UBAP1: variants seen among roughly 807,000 people sequenced by gnomAD.
UBAP1 encodes the protein ubiquitin associated protein 1, also known as ubiquitin-associated protein 1.
In UBAP1, 5 loss-of-function variants were observed where a neutral mutation model predicts 39.0. The observed-to-expected ratio is 0.13, with a 90% confidence interval of 0.07 to 0.27. The LOEUF is 0.27. UBAP1 is among the 10% of genes least tolerant of loss of function. The pLI is 1.00. For missense variants in UBAP1, 490 were observed against 608.1 expected (o/e 0.81, Z 2.04); for synonymous variants, 211 against 225.1 (o/e 0.94, Z 0.56).
At chr9:34,216,011 A>G (rs1316763230) in intron 1 of UBAP1, among the ~76,000 whole-genome samples, 1 of 152,068 alleles carries the variant, frequency 6.6e-6, no homozygotes, top group Non-Finnish European at 1.5e-5. Flanking sequence ...ATTTTACATT[A>G]TTTACTAATA....
intron 1 of UBAP1, among the ~76,000 whole-genome samples, chr9:34,213,323 CA>C (rs1343808780): frequency 6.6e-6 from 1 of 152,032 alleles, no homozygotes; most frequent in East Asian, 1.9e-4. Flanking sequence ...CCAGCCTGGC[CA>C]ACATGGTGAA....
intron 4 of UBAP1, among the ~76,000 whole-genome samples, chr9:34,244,122 C>T (rs972391135): frequency 1.3e-5 from 2 of 152,166 alleles, no homozygotes; most frequent in African/African-American, 4.8e-5. Context: ...GCTGGGATTA[C>T]AGGTGTGAGT....
In UBAP1 at chr9:34,223,579, G is replaced by A. The variant is rs1056056096; in HGVS notation, c.34+2631G>A. Among the ~76,000 whole-genome samples the A allele has an allele frequency of 5.3e-5, 8 of 152,028 alleles. 1 individual carries two copies. The highest frequency in any genetic ancestry group is 4.1e-4 in the South Asian group (2 of 4,824). On this transcript the variant is annotated intron_variant, in intron 2 of 6. Transcript: ENST00000297661. Reference sequence around the variant, plus strand: ...ACGCCATTCTCTGCCTTAGCCTCCCGAGTAGCTGGGACTACAGGTGCCTGC... The same window carrying A: ...ACGCCATTCTCTGCCTTAGCCTCCCAAGTAGCTGGGACTACAGGTGCCTGC...
chr9:34,182,681 T>TTCTCTCTCTCTCTCTCTC (rs1437312393), intron 1 of UBAP1, among the ~76,000 whole-genome samples: 10 of 115,590 alleles, frequency 8.7e-5, no homozygotes, highest in South Asian at 6.2e-4. Context: ...CTTTCTTTCT[T>TTCTCTCTCTCTCTCTCTC]TCTCTCTCTC....
Position 34,251,264 on chromosome 9 carries a change from C to T in UBAP1, c.1369-128C>T, listed in dbSNP as rs531863332. 94 of 1,036,110 alleles carry T rather than the reference C, an allele frequency of 9.1e-5. 1 individual carries two copies. The African/African-American group carries it at 1.0e-3, about 11-fold the overall frequency. The allele number at this position is 1,036,110 out of a possible 1,614,324, so 64.2% of individuals were successfully genotyped here. The stretch of plus-strand genomic sequence containing the variant: ...TGCTAGGGGACCTTATGGAGACTCA[C>T]GGGGCTCTGGGGGAAGGATGTAGAC... On this transcript the variant is annotated intron_variant, in intron 6 of 6. Transcript: ENST00000297661.
At chr9:34,237,981 A>T (rs1563918226) in intron 3 of UBAP1, among the ~76,000 whole-genome samples, 1 of 152,194 alleles carries the variant, frequency 6.6e-6, no homozygotes, top group Non-Finnish European at 1.5e-5. Flanking sequence ...CCCAAAAGGA[A>T]ACCCAGTGTC....
chr9:34,187,097 A>G (rs1250431705), intron 1 of UBAP1, among the ~76,000 whole-genome samples: 4 of 152,080 alleles, frequency 2.6e-5, no homozygotes, highest in African/African-American at 7.2e-5. Context: ...TAGTAGAGAC[A>G]GGGTTTCATC....
chr9:34,225,803 A>G (rs966749788), intron 2 of UBAP1, among the ~76,000 whole-genome samples: 6 of 151,640 alleles, frequency 4.0e-5, no homozygotes, highest in Admixed American at 4.0e-4. Context: ...AAAGAAAAGA[A>G]AAAAGAAATC....
intron 1 of UBAP1, among the ~76,000 whole-genome samples, chr9:34,184,926 CTTTTTTTTTTTTTTT>C (rs35634769): frequency 8.6e-5 from 9 of 105,116 alleles, no homozygotes; most frequent in South Asian, 7.9e-4. Context: ...CCAGCCAATC[CTTTTTTTTTTTTTTT>C]TTTTTTTTTT....
intron 1 of UBAP1, among the ~76,000 whole-genome samples, chr9:34,203,414 A>G (rs1444556899): frequency 2.0e-5 from 3 of 152,312 alleles, no homozygotes; most frequent in East Asian, 3.9e-4. Flanking sequence ...ATCTCATACG[A>G]GAACTTGGAA....
At chr9:34,184,693 G>A (rs971935006) in intron 1 of UBAP1, among the ~76,000 whole-genome samples, 1 of 149,250 alleles carries the variant, frequency 6.7e-6, no homozygotes, top group Non-Finnish European at 1.5e-5. Context: ...CACAATCTCG[G>A]CTCACTGTAA....
chr9:34,248,645 A>T (rs1176946879), intron 4 of UBAP1, among the ~76,000 whole-genome samples: 2 of 152,068 alleles, frequency 1.3e-5, no homozygotes, highest in Admixed American at 6.6e-5. Context: ...TGGGCTGCTG[A>T]GTGTGTGCTG....
intron 3 of UBAP1, among the ~76,000 whole-genome samples, chr9:34,237,924 A>G (rs1482524400): frequency 2.0e-5 from 3 of 152,186 alleles, no homozygotes; most frequent in Non-Finnish European, 4.4e-5. Context: ...ATATTCACAT[A>G]GTTGTGTAAT....
chr9:34,236,830 G>A (rs1213420807), intron 3 of UBAP1, among the ~76,000 whole-genome samples: 1 of 151,910 alleles, frequency 6.6e-6, no homozygotes, highest in African/African-American at 2.4e-5. Flanking sequence ...GTTCAAAAGG[G>A]TTCAATGACT....
Position 34,251,473 on chromosome 9 carries a change from CACA to C in UBAP1, c.1455_1457del (p.Asn486del), listed in dbSNP as rs1417330167. 17 of 1,614,064 alleles carry C rather than the reference CACA, an allele frequency of 1.1e-5. No individual in the cohort carries two copies. Among genetic ancestry groups the C allele is most frequent in the Non-Finnish European group, 1.4e-5 (16 of 1,180,058 alleles). Reference sequence around the variant, plus strand: ...AGACATTAAGGAAGTTTTGCTATTACACAACAATGACCAGGACAATGCTTTGGA... The same window carrying C: ...AGACATTAAGGAAGTTTTGCTATTACACAATGACCAGGACAATGCTTTGGA... On this transcript the variant is annotated inframe_deletion, in exon 7 of 7. Transcript: ENST00000297661.
chr9:34,179,529 C>G (rs912735286), intron 1 of UBAP1, among the ~76,000 whole-genome samples: 1 of 151,918 alleles, frequency 6.6e-6, no homozygotes, highest in Admixed American at 6.6e-5. Context: ...TAGTAGACAT[C>G]TATCGGGCTG....
intron 1 of UBAP1, among the ~76,000 whole-genome samples, chr9:34,183,530 G>A (rs1587775517): frequency 1.4e-5 from 2 of 145,858 alleles, no homozygotes; most frequent in East Asian, 2.1e-4. Flanking sequence ...TCCAGCCTGG[G>A]CAACAGAGCG....
At chr9:34,219,178 T>C (rs2131575027) in intron 1 of UBAP1, among the ~76,000 whole-genome samples, 1 of 152,154 alleles carries the variant, frequency 6.6e-6, no homozygotes, top group African/African-American at 2.4e-5. Flanking sequence ...AGCCTTGACT[T>C]CCTGGGCTCA....
chr9:34,227,490 A>C (rs1164642384), intron 2 of UBAP1, among the ~76,000 whole-genome samples: 1 of 152,192 alleles, frequency 6.6e-6, no homozygotes, highest in African/African-American at 2.4e-5. Flanking sequence ...GCTATCCTCT[A>C]TTGGGGATTT....
Sources: gnomAD v4.1 joint callset for allele counts (sites outside exome capture counted in the v4.1 genomes callset) on GRCh38, gnomAD v4.1.1 for gene constraint, MANE v1.5 for transcripts, NCBI Gene and HGNC (gene_info 2026-07-23, HGNC 2026-07-21) for gene names.